HLCS: variants seen among roughly 807,000 people sequenced by gnomAD.
HLCS encodes biotin--protein ligase.
Under a neutral mutation model 75.0 loss-of-function variants are expected in HLCS, and 53 were observed. The observed-to-expected ratio is 0.71, with a 90% CI of 0.57 to 0.89. The LOEUF is 0.89. Among genes scored for constraint, HLCS ranks in the 40% least tolerant of loss-of-function variants. The pLI is 0.00. For synonymous variants in HLCS, 431 were observed against 428.6 expected (o/e 1.01, Z -0.07); for missense variants, 966 against 1,074.0 (o/e 0.90, Z 1.41).
At chr21:36,910,440 G>C (rs751924016) in intron 5 of HLCS, among the ~76,000 whole-genome samples, 4 of 152,012 alleles carry the variant, frequency 2.6e-5, no homozygotes, top group Non-Finnish European at 5.9e-5. Flanking sequence ...CAGCTACGTG[G>C]GAGGCTGAGG....
intron 6 of HLCS, among the ~76,000 whole-genome samples, chr21:36,894,327 G>A (rs1043399506): frequency 1.3e-5 from 2 of 152,152 alleles, no homozygotes; most frequent in Non-Finnish European, 2.9e-5. Context: ...AGAACGAACT[G>A]ATACACTCAT....
intron 6 of HLCS, among the ~76,000 whole-genome samples, chr21:36,810,241 G>C (rs188045237): frequency 6.6e-6 from 1 of 152,208 alleles, no homozygotes; most frequent in Non-Finnish European, 1.5e-5. Context: ...TTGGGATTTT[G>C]CGATTTTTCT....
chr21:36,950,786 C>A (rs1286790656), intron 2 of HLCS, among the ~76,000 whole-genome samples: 2 of 152,142 alleles, frequency 1.3e-5, no homozygotes, highest in Non-Finnish European at 2.9e-5. Flanking sequence ...CCCATTTTGA[C>A]CCCATTTATA....
chr21:36,957,202 G>A (rs975173074), intron 2 of HLCS, among the ~76,000 whole-genome samples: 3 of 152,114 alleles, frequency 2.0e-5, no homozygotes, highest in Non-Finnish European at 2.9e-5. Flanking sequence ...GATCCCTCAT[G>A]AATAGTGTGG....
intron 6 of HLCS, among the ~76,000 whole-genome samples, chr21:36,777,081 G>C (rs1460643014): frequency 6.6e-6 from 1 of 152,096 alleles, no homozygotes; most frequent in African/African-American, 2.4e-5. Flanking sequence ...AGCAGTCTTG[G>C]TATAGGACTA....
intron 1 of HLCS, chr21:36,986,720 C>A (rs1451937860): frequency 2.0e-5 from 3 of 152,328 alleles, no homozygotes; most frequent in Middle Eastern, 3.4e-3. Context: ...ACCCGGCCTA[C>A]AATGTGGTAA....
chr21:36,969,123 A>C (rs979110770), upstream of HLCS, among the ~76,000 whole-genome samples: 5 of 152,188 alleles, frequency 3.3e-5, no homozygotes, highest in Admixed American at 1.3e-4. Flanking sequence ...AGGGAGGAAG[A>C]TATGAAGGGC....
intron 2 of HLCS, among the ~76,000 whole-genome samples, chr21:36,958,836 C>T (rs2068116687): frequency 6.6e-6 from 1 of 152,198 alleles, no homozygotes; most frequent in South Asian, 2.1e-4. Context: ...CAATGATATT[C>T]CTATCACTTT....
rs190592001 is a variant in HLCS, at chr21:36,927,858, C to G, written c.1620+2393G>C. On this transcript the variant is annotated intron_variant, in intron 5 of 10. Transcript: ENST00000674895. Reference sequence around the variant, plus strand: ...CAGCAACAGAGTGTCTTGCAGGGCACAGGAAGCAGAAAGCCAGCCCAGGCA... The same window carrying G: ...CAGCAACAGAGTGTCTTGCAGGGCAGAGGAAGCAGAAAGCCAGCCCAGGCA... Among the ~76,000 whole-genome samples the G allele has an allele frequency of 4.8e-3, 736 of 152,258 alleles. 6 individuals carry two copies. Among genetic ancestry groups the G allele is most frequent in the African/African-American group, 0.016 (673 of 41,544 alleles).
chr21:36,784,008 T>C (rs948199695), intron 6 of HLCS, among the ~76,000 whole-genome samples: 2 of 152,132 alleles, frequency 1.3e-5, no homozygotes, highest in Non-Finnish European at 1.5e-5. Flanking sequence ...TCTTCAGCTA[T>C]AGATCTCAAG....
intron 1 of HLCS, among the ~76,000 whole-genome samples, chr21:36,977,649 G>C (rs1003033338): frequency 2.0e-5 from 3 of 152,234 alleles, no homozygotes; most frequent in African/African-American, 7.2e-5. Flanking sequence ...TTTGTGTAGT[G>C]AAGCAATAGA....
chr21:36,899,459 A>C, intron 5 of HLCS, among the ~76,000 whole-genome samples: 1 of 151,972 alleles, frequency 6.6e-6, no homozygotes, highest in Admixed American at 6.6e-5. Flanking sequence ...CCCCGTCTCT[A>C]ATAAAAATAC....
chr21:36,781,608 T>A (rs1169881555), intron 6 of HLCS, among the ~76,000 whole-genome samples: 1 of 152,222 alleles, frequency 6.6e-6, no homozygotes, highest in African/African-American at 2.4e-5. Flanking sequence ...AATTCTCTTA[T>A]TGTTTGAGTT....
intron 6 of HLCS, among the ~76,000 whole-genome samples, chr21:36,873,684 A>T (rs2063851092): frequency 6.6e-6 from 1 of 152,204 alleles, no homozygotes; most frequent in Admixed American, 6.5e-5. Context: ...TGGTGCAATC[A>T]TATCTCACTG....
At chr21:36,895,641 A>G (rs940398630) in intron 6 of HLCS, among the ~76,000 whole-genome samples, 2 of 152,230 alleles carry the variant, frequency 1.3e-5, no homozygotes, top group Admixed American at 1.3e-4. Flanking sequence ...TGTGACAGTC[A>G]AGAAAATGCT....
At chr21:36,835,749 T>G (rs569618445) in intron 6 of HLCS, among the ~76,000 whole-genome samples, 1 of 152,148 alleles carries the variant, frequency 6.6e-6, no homozygotes, top group Non-Finnish European at 1.5e-5. Flanking sequence ...AGGCATGCCA[T>G]GGAGTAGTCT....
chr21:36,787,603 AT>A (rs1407019492), intron 6 of HLCS, among the ~76,000 whole-genome samples: 1 of 152,130 alleles, frequency 6.6e-6, no homozygotes, highest in African/African-American at 2.4e-5. Context: ...TCAAATGGAC[AT>A]GATGGAAAGC....
intron 1 of HLCS, chr21:36,986,732 G>A (rs907839571): frequency 2.0e-5 from 3 of 152,120 alleles, no homozygotes; most frequent in East Asian, 1.9e-4. Context: ...ATGTGGTAAC[G>A]TTTTCTGTAT....
chr21:36,896,251 G>A (rs993091322), intron 6 of HLCS, among the ~76,000 whole-genome samples: 1 of 152,226 alleles, frequency 6.6e-6, no homozygotes, highest in Non-Finnish European at 1.5e-5. Flanking sequence ...TTGGGAGGCT[G>A]AGGCAGGAGC....
Sources: allele counts gnomAD v4.1 joint callset (sites outside exome capture counted in the v4.1 genomes callset), GRCh38; gene constraint gnomAD v4.1.1; transcripts MANE v1.5; gene names NCBI Gene and HGNC (gene_info 2026-07-23, HGNC 2026-07-21).